ARHGAP12: variants seen among roughly 807,000 people sequenced by gnomAD.
ARHGAP12 encodes the protein rho GTPase-activating protein 12.
A neutral mutation model predicts 108.6 loss-of-function variants in ARHGAP12; 64 were observed. The observed-to-expected ratio is 0.59, with a 90% CI of 0.48 to 0.73. ARHGAP12 has a LOEUF of 0.73. ARHGAP12 is among the 30% of genes least tolerant of loss of function. The pLI is 0.00. For missense variants in ARHGAP12, 940 were observed against 1,005.9 expected, an observed-to-expected ratio of 0.93 and a Z score of 0.89; for synonymous variants, 312 against 337.2, an observed-to-expected ratio of 0.93 and a Z score of 0.82.
At chr10:31,832,049 T>C (rs1835855924) in intron 9 of ARHGAP12, among the ~76,000 whole-genome samples, 1 of 152,174 alleles carries the variant, frequency 6.6e-6, no homozygotes, top group Admixed American at 6.5e-5. Flanking sequence ...TTAGATACTT[T>C]GCTATCAAAT....
chr10:31,868,242 A>C (rs1414784495), intron 3 of ARHGAP12, among the ~76,000 whole-genome samples: 1 of 152,160 alleles, frequency 6.6e-6, no homozygotes, highest in Non-Finnish European at 1.5e-5. Context: ...GTCCAGGAAA[A>C]AAAAAAGTAT....
intron 1 of ARHGAP12, among the ~76,000 whole-genome samples, chr10:31,914,533 G>C (rs1157130067): frequency 6.6e-6 from 1 of 151,794 alleles, no homozygotes; most frequent in Non-Finnish European, 1.5e-5. Flanking sequence ...AAGCCAATAA[G>C]TGTAAGAAAA....
chr10:31,860,938 C>T (rs1837089971), intron 4 of ARHGAP12, among the ~76,000 whole-genome samples: 5 of 152,078 alleles, frequency 3.3e-5, no homozygotes, highest in Admixed American at 3.3e-4. Context: ...GCCTGTAGTC[C>T]CAGCTACTAG....
intron 3 of ARHGAP12, among the ~76,000 whole-genome samples, chr10:31,887,650 G>GTT (rs1247511414): frequency 8.9e-5 from 12 of 135,576 alleles, no homozygotes; most frequent in African/African-American, 3.0e-4. Flanking sequence ...TGCCCTTCCT[G>GTT]TTTTTTTTTT....
intron 3 of ARHGAP12, among the ~76,000 whole-genome samples, chr10:31,905,494 T>C (rs957294856): frequency 2.0e-5 from 3 of 152,138 alleles, no homozygotes; most frequent in Non-Finnish European, 4.4e-5. Flanking sequence ...GAGGTTATCA[T>C]GTGAGTGGGA....
intron 3 of ARHGAP12, among the ~76,000 whole-genome samples, chr10:31,882,393 AAG>A (rs1838007780): frequency 1.0e-5 from 1 of 98,172 alleles, no homozygotes; most frequent in Non-Finnish European, 2.4e-5. Flanking sequence ...CTAATATAAT[AAG>A]GAGAACTAAG....
At chr10:31,915,000 C>G (rs1839495946) in intron 1 of ARHGAP12, among the ~76,000 whole-genome samples, 1 of 152,106 alleles carries the variant, frequency 6.6e-6, no homozygotes, top group Non-Finnish European at 1.5e-5. Context: ...ATGAATGAAC[C>G]CAGTGGACGT....
At chr10:31,850,092 T>C (rs933760528) in intron 6 of ARHGAP12, among the ~76,000 whole-genome samples, 4 of 152,130 alleles carry the variant, frequency 2.6e-5, no homozygotes, top group African/African-American at 9.7e-5. Flanking sequence ...ATGTCATTAC[T>C]CCAGGGAATC....
intron 3 of ARHGAP12, among the ~76,000 whole-genome samples, chr10:31,888,660 C>T (rs1405401342): frequency 6.6e-6 from 1 of 152,096 alleles, no homozygotes; most frequent in Non-Finnish European, 1.5e-5. Flanking sequence ...TCCCCTTTGT[C>T]TAAGCTAGTC....
chr10:31,853,383 G>A (rs1275883430), intron 5 of ARHGAP12, among the ~76,000 whole-genome samples: 1 of 152,104 alleles, frequency 6.6e-6, no homozygotes, highest in Non-Finnish European at 1.5e-5. Flanking sequence ...AGAACATCAT[G>A]CAATAAAACA....
chr10:31,891,486 C>A (rs907415058), intron 3 of ARHGAP12, among the ~76,000 whole-genome samples: 2 of 152,106 alleles, frequency 1.3e-5, no homozygotes, highest in Non-Finnish European at 2.9e-5. Context: ...GTGGGTAACC[C>A]GACCTTTCTC....
At chr10:31,869,798 C>T (rs1307814865) in intron 3 of ARHGAP12, among the ~76,000 whole-genome samples, 1 of 152,080 alleles carries the variant, frequency 6.6e-6, no homozygotes, top group Admixed American at 6.5e-5. Flanking sequence ...ACTTAGATTC[C>T]TTCTGCATCG....
At chr10:31,869,770 A>G (rs1837472134) in intron 3 of ARHGAP12, among the ~76,000 whole-genome samples, 1 of 152,204 alleles carries the variant, frequency 6.6e-6, no homozygotes, top group Non-Finnish European at 1.5e-5. Context: ...AACCATATAT[A>G]TAAGAAGGTA....
chr10:31,822,585 G>A (rs1406377354), intron 11 of ARHGAP12, among the ~76,000 whole-genome samples: 1 of 152,158 alleles, frequency 6.6e-6, no homozygotes, highest in Non-Finnish European at 1.5e-5. Flanking sequence ...TAAGATGAAT[G>A]CTTTATAGAA....
At chr10:31,849,760 T>C (rs1386643849) in intron 6 of ARHGAP12, among the ~76,000 whole-genome samples, 12 of 152,210 alleles carry the variant, frequency 7.9e-5, no homozygotes, top group Admixed American at 7.9e-4. Context: ...TGAAATAGTA[T>C]CACAAAACTG....
At chr10:31,888,206 C>G (rs1027702200) in intron 3 of ARHGAP12, among the ~76,000 whole-genome samples, 3 of 152,120 alleles carry the variant, frequency 2.0e-5, no homozygotes, top group African/African-American at 7.2e-5. Context: ...TGGCACCTCT[C>G]CCTTATTCTG....
At chr10:31,842,006 C>T (rs1045473468) in intron 7 of ARHGAP12, among the ~76,000 whole-genome samples, 8 of 151,956 alleles carry the variant, frequency 5.3e-5, no homozygotes, top group African/African-American at 1.7e-4. Flanking sequence ...CATATTCTTG[C>T]AACTCTGGGA....
chr10:31,850,872 T>C (rs1479170779), intron 6 of ARHGAP12, among the ~76,000 whole-genome samples: 1 of 152,164 alleles, frequency 6.6e-6, no homozygotes, highest in East Asian at 1.9e-4. Context: ...ATTCTAAAAG[T>C]ATAAATTAAT....
At chr10:31,894,371 CCTT>C (rs1466576578) in intron 3 of ARHGAP12, among the ~76,000 whole-genome samples, 1 of 152,054 alleles carries the variant, frequency 6.6e-6, no homozygotes, top group Non-Finnish European at 1.5e-5. Context: ...CCCAAAATCT[CCTT>C]AAGCTGATAA....
Sources: allele counts gnomAD v4.1 joint callset (sites outside exome capture counted in the v4.1 genomes callset), GRCh38; gene constraint gnomAD v4.1.1; transcripts MANE v1.5; gene names NCBI Gene and HGNC (gene_info 2026-07-23, HGNC 2026-07-21).